ACVR2B: variants seen among roughly 807,000 people sequenced by gnomAD.
ACVR2B encodes the protein activin A receptor type 2B, also known as activin receptor type-2B.
In ACVR2B, 18 loss-of-function variants were observed where a neutral mutation model predicts 65.1. The observed-to-expected ratio is 0.28, with a 90% CI of 0.19 to 0.41. ACVR2B has a LOEUF of 0.41. Ranked by LOEUF, ACVR2B falls within the 10% of genes least tolerant of loss-of-function variation. The probability of loss-of-function intolerance (pLI) is 1.00; values close to 1 mark genes in which losing one functional copy is unlikely to be tolerated. For missense variants in ACVR2B, 482 were observed against 682.7 expected (o/e 0.71, Z 3.28); for synonymous variants, 298 against 277.7 (o/e 1.07, Z -0.73).
intron 1 of ACVR2B, among the ~76,000 whole-genome samples, chr3:38,454,977 C>CGGGACCGCTTTGT (rs1709520399): frequency 6.6e-6 from 1 of 150,776 alleles, no homozygotes; most frequent in Non-Finnish European, 1.5e-5. Flanking sequence ...GGTCGCTTCG[C>CGGGACCGCTTTGT]GGGACCGCTT....
At chr3:38,480,036 T>C (rs966142057) in intron 7 of ACVR2B, among the ~76,000 whole-genome samples, 1 of 152,210 alleles carries the variant, frequency 6.6e-6, no homozygotes, top group African/African-American at 2.4e-5. Flanking sequence ...TGCCCTCTAA[T>C]GGCCACATGA....
rs913680885 is a variant in ACVR2B at position 38,478,223 on chromosome 3, C to T, written c.453C>T (p.Leu151=). Reference sequence around the variant, plus strand: ...TGCTGCCCATCGGGGGCCTTTCCCTCATCGTCCTGCTGGCCTTTTGGATGT... The same window carrying T: ...TGCTGCCCATCGGGGGCCTTTCCCTTATCGTCCTGCTGGCCTTTTGGATGT... ...YSLLPIGGLS[L]IVLLAFWMYR... is the part of the protein sequence containing the mutation. Residue 151 remains leucine, a synonymous_variant, in exon 4 of 11, where the codon CTC becomes CTT. Coordinates refer to ENST00000352511, the MANE Select transcript of ACVR2B (RefSeq NM_001106.4). 5.6e-6 allele frequency: 9 copies of T among 1,614,042 alleles called. No homozygotes were observed. Among genetic ancestry groups the T allele is most frequent in the South Asian group, 3.3e-5 (3 of 91,080 alleles).
chr3:38,465,714 C>T (rs1709716631), intron 1 of ACVR2B, among the ~76,000 whole-genome samples: 1 of 152,162 alleles, frequency 6.6e-6, no homozygotes, highest in African/African-American at 2.4e-5. Flanking sequence ...CATGAAATCA[C>T]AGCCACAGAA....
At chr3:38,462,214 C>T (rs191496346) in intron 1 of ACVR2B, among the ~76,000 whole-genome samples, 8 of 151,474 alleles carry the variant, frequency 5.3e-5, no homozygotes, top group Admixed American at 2.6e-4. Flanking sequence ...AATAAATAAA[C>T]AAACAAATAA....
chr3:38,485,561 G>A lies in ACVR2B; in HGVS notation c.*2229G>A, dbSNP rs1424100999. On this transcript the variant is annotated 3_prime_UTR_variant, in exon 11 of 11. Transcript: ENST00000352511. ...TGGGTGTTGGGGCACAGGGTGCTAT[G>A]GGAGGCCCATTTGCTTCCCTCTCGG... 6.6e-6 allele frequency: 1 copy of A among 152,204 alleles called. No individual in the cohort carries two copies. The highest frequency in any genetic ancestry group is 1.5e-5 in the Non-Finnish European group (1 of 68,036). The allele number at this position is 152,204 out of a possible 1,614,324, so 9.4% of individuals were successfully genotyped here.
chr3:38,485,715 G>C lies in ACVR2B; in HGVS notation c.*2383G>C, dbSNP rs1438324847. On this transcript the variant is annotated 3_prime_UTR_variant, in exon 11 of 11. Transcript: ENST00000352511. ...TTTTAATGGTTTGATTTTGTGCTGT[G>C]GTATTTTTTTTCCCTTAGAATAATT... 8.2e-6 allele frequency: 1 copy of C among 121,658 alleles called. No individual in the cohort carries two copies. Among genetic ancestry groups the C allele is most frequent in the Admixed American group, 8.8e-5 (1 of 11,318 alleles). 7.5% of individuals were successfully genotyped at this position (121,658 alleles called of 1,614,324 possible).
At chr3:38,465,923 C>T (rs535590415) in intron 1 of ACVR2B, among the ~76,000 whole-genome samples, 1 of 152,150 alleles carries the variant, frequency 6.6e-6, no homozygotes, top group Non-Finnish European at 1.5e-5. Flanking sequence ...AGAAAAAAGG[C>T]ATTACTATCA....
chr3:38,461,123 T>C (rs1484826453), intron 1 of ACVR2B, among the ~76,000 whole-genome samples: 1 of 152,196 alleles, frequency 6.6e-6, no homozygotes, highest in Admixed American at 6.5e-5. Context: ...TTCTGGCTTG[T>C]GCAGTGGCGC....
chr3:38,460,232 C>A (rs543434965), intron 1 of ACVR2B, among the ~76,000 whole-genome samples: 30 of 151,600 alleles, frequency 2.0e-4, no homozygotes, highest in Admixed American at 9.9e-4. Flanking sequence ...AACAGACACC[C>A]ACCCCCTTGT....
In ACVR2B at chr3:38,477,260, A is replaced by C. The variant is rs1223251564; in HGVS notation, c.53-27A>C. 1.1e-5 allele frequency: 17 copies of C among 1,613,102 alleles called. No individual in the cohort carries two copies. Among genetic ancestry groups the C allele is most frequent in the Non-Finnish European group, 1.3e-5 (15 of 1,179,438 alleles). ...GGGTGGTGGTCCCAGGGGCATGCTCAGTGGTTCTCTTTTCTCTGGGGCACA... is the reference window on the plus strand; with the variant it reads ...GGGTGGTGGTCCCAGGGGCATGCTCCGTGGTTCTCTTTTCTCTGGGGCACA... On this transcript the variant is annotated intron_variant, in intron 1 of 10. Coordinates refer to ENST00000352511, the MANE Select transcript of ACVR2B (RefSeq NM_001106.4). This position sits in a 1 kb window ranked among gnomAD's most constrained non-coding sequence, Gnocchi z 6.7.
chr3:38,469,439 A>G (rs1390415891), intron 1 of ACVR2B, among the ~76,000 whole-genome samples: 1 of 152,212 alleles, frequency 6.6e-6, no homozygotes, highest in African/African-American at 2.4e-5. Flanking sequence ...TTATACCTTC[A>G]GTAAAAATGT....
At chr3:38,464,338 G>C (rs533606060) in intron 1 of ACVR2B, among the ~76,000 whole-genome samples, 1 of 152,340 alleles carries the variant, frequency 6.6e-6, no homozygotes, top group African/African-American at 2.4e-5. Flanking sequence ...ATGTGTGCAG[G>C]TTCCCTTGCC....
In ACVR2B at chr3:38,485,045, C is replaced by T. The variant is rs1193375443; in HGVS notation, c.*1713C>T. 6.6e-6 allele frequency: 1 copy of T among 152,302 alleles called. No homozygotes were observed. The highest frequency in any genetic ancestry group is 1.5e-5 in the Non-Finnish European group (1 of 68,040). 9.4% of individuals were successfully genotyped at this position (152,302 alleles called of 1,614,324 possible). On this transcript the variant is annotated 3_prime_UTR_variant, in exon 11 of 11. Transcript: ENST00000352511. ...CATTTATCAGTCTTGTTTGTGAAGGCTTTTCCTTCTGGTTTCTTTAGATCA... is the reference window on the plus strand; with the variant it reads ...CATTTATCAGTCTTGTTTGTGAAGGTTTTTCCTTCTGGTTTCTTTAGATCA...
chr3:38,482,167 G>C, intron 8 of ACVR2B, 31 bp from the exon 9 acceptor site: 1 of 1,613,720 alleles, frequency 6.2e-7, no homozygotes, highest in Non-Finnish European at 8.5e-7. Context: ...GCCAGTCACT[G>C]TAAATCCTGC....
At chr3:38,468,133 G>A (rs967091467) in intron 1 of ACVR2B, among the ~76,000 whole-genome samples, 3 of 152,160 alleles carry the variant, frequency 2.0e-5, no homozygotes, top group Non-Finnish European at 2.9e-5. Flanking sequence ...GCCCGTGTCA[G>A]CCTCCCAAAG....
intron 1 of ACVR2B, among the ~76,000 whole-genome samples, chr3:38,462,561 T>A (rs575282876): frequency 6.6e-6 from 1 of 152,376 alleles, no homozygotes; most frequent in Admixed American, 6.5e-5. Context: ...TTTGTGTCCA[T>A]CTTTTCCTCA....
chr3:38,483,069 C>T lies in ACVR2B; in HGVS notation c.1345-69C>T. 2 of 1,562,588 alleles carry T rather than the reference C, an allele frequency of 1.3e-6. No individual in the cohort carries two copies. The highest frequency in any genetic ancestry group is 1.8e-6 in the Non-Finnish European group (2 of 1,134,244). On this transcript the variant is annotated intron_variant, in intron 10 of 10. Coordinates refer to ENST00000352511, the MANE Select transcript of ACVR2B (RefSeq NM_001106.4). The surrounding 1 kb of genome is among the most constrained non-coding windows in gnomAD (Gnocchi z 4.8). The stretch of plus-strand genomic sequence containing the variant: ...TCCTTGGGAATATCAAGTTTACTGT[C>T]CCCCAAAGCTTTTCCTCACTGAAGG...
chr3:38,457,627 C>G (rs910530048), intron 1 of ACVR2B, among the ~76,000 whole-genome samples: 1 of 152,192 alleles, frequency 6.6e-6, no homozygotes, highest in African/African-American at 2.4e-5. Context: ...ACACCTGTCT[C>G]TGTACTCTGT....
At chr3:38,457,984 C>T (rs1709578584) in intron 1 of ACVR2B, among the ~76,000 whole-genome samples, 1 of 152,168 alleles carries the variant, frequency 6.6e-6, no homozygotes, top group Non-Finnish European at 1.5e-5. Flanking sequence ...TCTGCCCTGT[C>T]TGGGTGGGCT....
Sources: allele counts gnomAD v4.1 joint callset (sites outside exome capture counted in the v4.1 genomes callset), GRCh38; gene constraint gnomAD v4.1.1; non-coding constraint Gnocchi (gnomAD v3.1); transcripts MANE v1.5; gene names NCBI Gene and HGNC (gene_info 2026-07-23, HGNC 2026-07-21).